Variants in PCNX1 observed in about 807,000 individuals in gnomAD.
PCNX1 encodes the protein pecanex 1.
Under a neutral mutation model 242.2 loss-of-function variants are expected in PCNX1, and 78 were observed. That is an observed-to-expected ratio of 0.32 (90% CI 0.27 to 0.39). PCNX1 has a LOEUF of 0.39. Ranked by LOEUF, PCNX1 falls within the 10% of genes least tolerant of loss-of-function variation. The pLI, the probability that PCNX1 is intolerant of heterozygous loss-of-function variation, is 1.00. For synonymous variants in PCNX1, 1,024 were observed against 1,032.9 expected (o/e 0.99, Z 0.17); for missense variants, 2,581 against 2,856.5 (o/e 0.90, Z 2.20).
chr14:71,007,138 A>G (rs187209111), intron 8 of PCNX1, among the ~76,000 whole-genome samples: 1 of 152,224 alleles, frequency 6.6e-6, no homozygotes, highest in African/African-American at 2.4e-5. Flanking sequence ...TCAGAGTTGT[A>G]AATTCAGGTA....
intron 10 of PCNX1, 146 bp from the exon 11 acceptor site, chr14:71,012,839 G>C (rs2059860352): frequency 3.8e-6 from 2 of 529,512 alleles, no homozygotes; most frequent in Non-Finnish European, 6.6e-6. Flanking sequence ...AAAAAAAAAA[G>C]TGTATGAGAG....
chr14:70,949,361 A>G (rs749962814), intron 2 of PCNX1, among the ~76,000 whole-genome samples: 1 of 145,194 alleles, frequency 6.9e-6, no homozygotes. Context: ...GTGCATATAT[A>G]CATATATAGA....
intron 19 of PCNX1, among the ~76,000 whole-genome samples, chr14:71,042,283 C>G (rs1038890039): frequency 1.4e-4 from 22 of 152,244 alleles, no homozygotes; most frequent in African/African-American, 5.3e-4. Context: ...ATGTTCCCAA[C>G]TATTACTCTA....
intron 24 of PCNX1, 118 bp from the exon 25 acceptor site, chr14:71,055,386 G>T (rs2061154916): frequency 1.6e-6 from 1 of 618,998 alleles, no homozygotes; most frequent in Non-Finnish European, 2.8e-6. Flanking sequence ...TTTTTCCAGA[G>T]ATTTTCATAA....
At chr14:70,921,637 A>T (rs1408680097) in intron 1 of PCNX1, among the ~76,000 whole-genome samples, 2 of 152,176 alleles carry the variant, frequency 1.3e-5, no homozygotes, top group African/African-American at 4.8e-5. Context: ...AAATATACTT[A>T]AAATACTTTA....
At chr14:71,009,172 T>A (rs1220544561) in intron 8 of PCNX1, among the ~76,000 whole-genome samples, 1 of 152,206 alleles carries the variant, frequency 6.6e-6, no homozygotes, top group Non-Finnish European at 1.5e-5. Flanking sequence ...CTTTCTTAGA[T>A]ACACTTGGAC....
intron 1 of PCNX1, among the ~76,000 whole-genome samples, chr14:70,941,926 G>A (rs902176001): frequency 1.3e-5 from 2 of 152,176 alleles, no homozygotes; most frequent in African/African-American, 4.8e-5. Context: ...GGGACCCTCC[G>A]AACAAGGCGT....
At chr14:70,937,004 T>G (rs547927998) in intron 1 of PCNX1, among the ~76,000 whole-genome samples, 14 of 151,880 alleles carry the variant, frequency 9.2e-5, no homozygotes, top group Admixed American at 9.2e-4. Flanking sequence ...TGTAAATTTG[T>G]TTAAGTTCTT....
rs563253151 is a variant in PCNX1, at chr14:71,000,565, C to T, written c.2629+4640C>T. On this transcript the variant is annotated intron_variant, in intron 8 of 35. Coordinates refer to ENST00000304743, the MANE Select transcript of PCNX1 (RefSeq NM_014982.3). ...TTTTTTTGACGGAGTCTCACTTTGT[C>T]GCCCAGGCTGGAGTGCAGTGGTGCA... 3.0e-5 allele frequency among the ~76,000 whole-genome samples: 4 copies of T among 134,466 alleles called. No individual in the cohort carries two copies. In the East Asian group the frequency reaches 6.2e-4, roughly 21 times the overall value. 88.2% of individuals were successfully genotyped at this position (134,466 alleles called of 152,430 possible).
At chr14:71,074,598 C>A (rs1025737515) in intron 27 of PCNX1, among the ~76,000 whole-genome samples, 3 of 152,156 alleles carry the variant, frequency 2.0e-5, no homozygotes, top group African/African-American at 7.2e-5. Context: ...GGGCTGTTGT[C>A]CACCAAGGAA....
intron 2 of PCNX1, among the ~76,000 whole-genome samples, chr14:70,961,220 C>T (rs2058199580): frequency 6.6e-6 from 1 of 152,076 alleles, no homozygotes; most frequent in Non-Finnish European, 1.5e-5. Flanking sequence ...CAATCCTAAG[C>T]CAAAAGAACA....
intron 30 of PCNX1, among the ~76,000 whole-genome samples, chr14:71,097,258 A>G (rs1296509290): frequency 6.6e-6 from 1 of 152,192 alleles, no homozygotes; most frequent in Admixed American, 6.5e-5. Flanking sequence ...TATTGTTGAT[A>G]GTGTTGCAAT....
At position 70,982,765 on chromosome 14, in the gene PCNX1, A is replaced by G. The variant is rs76046314; in HGVS notation, c.2311+4117A>G. On this transcript the variant is annotated intron_variant, in intron 6 of 35. Coordinates refer to ENST00000304743, the MANE Select transcript of PCNX1 (RefSeq NM_014982.3). Reference sequence around the variant, plus strand: ...CAGATTTTTTCAAGTAGGAACAAACATTACAGTGTTTTTCTTTCTCTCAGC... The same window carrying G: ...CAGATTTTTTCAAGTAGGAACAAACGTTACAGTGTTTTTCTTTCTCTCAGC... 3.3e-3 allele frequency among the ~76,000 whole-genome samples: 501 copies of G among 152,318 alleles called. 7 individuals are homozygous for G. The highest frequency in any genetic ancestry group is 0.022 in the East Asian group (113 of 5,192).
At chr14:71,025,473 A>G (rs1348600104) in intron 13 of PCNX1, among the ~76,000 whole-genome samples, 2 of 151,956 alleles carry the variant, frequency 1.3e-5, no homozygotes, top group Admixed American at 1.3e-4. Flanking sequence ...AGTAAGATCT[A>G]GTTGCTAGTA....
At chr14:71,093,620 A>G (rs1320216806) in intron 30 of PCNX1, 3 of 152,260 alleles carry the variant, frequency 2.0e-5, no homozygotes, top group African/African-American at 7.2e-5. Context: ...AATTGGTACT[A>G]TATGGAAACA....
At chr14:70,918,245 T>C (rs1314742443) in intron 1 of PCNX1, among the ~76,000 whole-genome samples, 1 of 152,212 alleles carries the variant, frequency 6.6e-6, no homozygotes, top group African/African-American at 2.4e-5. Context: ...TGACTTTTGG[T>C]GCATGAGGAT....
chr14:70,940,985 A>T (rs1185700824), intron 1 of PCNX1, among the ~76,000 whole-genome samples: 1 of 152,122 alleles, frequency 6.6e-6, no homozygotes, highest in Non-Finnish European at 1.5e-5. Flanking sequence ...CAGGTCATTT[A>T]AGGTCTTCTC....
chr14:70,925,607 G>A (rs1387177126), intron 1 of PCNX1, among the ~76,000 whole-genome samples: 1 of 131,086 alleles, frequency 7.6e-6, no homozygotes, highest in Non-Finnish European at 1.6e-5. Context: ...CTCATCTTTG[G>A]TTGCCCTGAA....
chr14:71,015,991 G>GA (rs1203865885), intron 11 of PCNX1, among the ~76,000 whole-genome samples: 1 of 152,058 alleles, frequency 6.6e-6, no homozygotes, highest in Non-Finnish European at 1.5e-5. Context: ...CCCAATTTTC[G>GA]AAAGCAGCCT....
Sources: allele counts gnomAD v4.1 joint callset (sites outside exome capture counted in the v4.1 genomes callset), GRCh38; gene constraint gnomAD v4.1.1; transcripts MANE v1.5; gene names NCBI Gene and HGNC (gene_info 2026-07-23, HGNC 2026-07-21).